ENAH: variants seen among roughly 807,000 people sequenced by gnomAD.
The protein encoded by ENAH is ENAH actin regulator.
A neutral mutation model predicts 78.7 loss-of-function variants in ENAH; 23 were observed. The ratio of observed to expected loss-of-function variants is 0.29; its 90% CI spans 0.21 to 0.41. ENAH has a LOEUF of 0.41. Among genes scored for constraint, ENAH ranks in the 10% least tolerant of loss-of-function variants. The pLI is 1.00. For missense variants in ENAH, 544 were observed against 691.0 expected (o/e 0.79, Z 2.39); for synonymous variants, 226 against 241.0 (o/e 0.94, Z 0.58).
chr1:225,541,922 C>G (rs1022033099), intron 3 of ENAH, among the ~76,000 whole-genome samples: 1 of 152,112 alleles, frequency 6.6e-6, no homozygotes, highest in Admixed American at 6.6e-5. Flanking sequence ...ACTTTGATTG[C>G]CCAGACTGAA....
At chr1:225,503,784 T>A (rs1435970871) in intron 11 of ENAH, among the ~76,000 whole-genome samples, 1 of 151,980 alleles carries the variant, frequency 6.6e-6, no homozygotes, top group Non-Finnish European at 1.5e-5. Context: ...AAAAATAATT[T>A]TAGCAAGTAA....
chr1:225,620,627 C>T (rs1485272976), intron 1 of ENAH, among the ~76,000 whole-genome samples: 1 of 152,164 alleles, frequency 6.6e-6, no homozygotes, highest in East Asian at 1.9e-4. Flanking sequence ...AATCTGGAGC[C>T]TCAATCTCAG....
intron 1 of ENAH, among the ~76,000 whole-genome samples, chr1:225,612,959 A>G (rs535512233): frequency 6.6e-6 from 1 of 152,358 alleles, no homozygotes; most frequent in South Asian, 2.1e-4. Flanking sequence ...AAGGTATGAA[A>G]TGAAGAATGT....
intron 1 of ENAH, among the ~76,000 whole-genome samples, chr1:225,615,093 G>C (rs990542775): frequency 1.3e-4 from 20 of 152,112 alleles, no homozygotes; most frequent in African/African-American, 4.6e-4. Flanking sequence ...CTGATGCCGA[G>C]CGGAGGCTGG....
At chr1:225,530,962 G>A in intron 3 of ENAH, 1 of 403,658 alleles carries the variant, frequency 2.5e-6, no homozygotes, top group Non-Finnish European at 4.4e-6. Flanking sequence ...CAGTTTCTAA[G>A]ACAATGAGAC....
At chr1:225,625,596 C>T (rs1311169631) in intron 1 of ENAH, among the ~76,000 whole-genome samples, 1 of 152,142 alleles carries the variant, frequency 6.6e-6, no homozygotes, top group African/African-American at 2.4e-5. Flanking sequence ...GATCTCAGCT[C>T]ACCCCAACCT....
At chr1:225,642,501 A>G (rs1661256919) in intron 1 of ENAH, among the ~76,000 whole-genome samples, 1 of 152,078 alleles carries the variant, frequency 6.6e-6, no homozygotes, top group African/African-American at 2.4e-5. Context: ...AAACACACGA[A>G]TGAGTCCAGG....
At chr1:225,498,117 A>G (rs1370439902) in intron 13 of ENAH, among the ~76,000 whole-genome samples, 1 of 152,222 alleles carries the variant, frequency 6.6e-6, no homozygotes. Context: ...TCCATCTAAG[A>G]AAAGACAACA....
intron 1 of ENAH, among the ~76,000 whole-genome samples, chr1:225,645,777 T>C (rs150171611): frequency 6.6e-6 from 1 of 152,208 alleles, no homozygotes; most frequent in Non-Finnish European, 1.5e-5. Context: ...TCACAAAGTA[T>C]ATTCGATCCC....
chr1:225,610,945 A>AACGGCACAGATCTAAC (rs1174753809), intron 1 of ENAH, among the ~76,000 whole-genome samples: 14 of 152,230 alleles, frequency 9.2e-5, no homozygotes, highest in Admixed American at 4.6e-4. Context: ...GATACAGATG[A>AACGGCACAGATCTAAC]ACGGCACAGA....
chr1:225,537,009 G>GT (rs940391452), intron 3 of ENAH, among the ~76,000 whole-genome samples: 16 of 151,814 alleles, frequency 1.1e-4, no homozygotes, highest in African/African-American at 3.6e-4. Flanking sequence ...AGTTTAAACT[G>GT]TTTTTTTAAA....
intron 4 of ENAH, among the ~76,000 whole-genome samples, chr1:225,520,361 G>A (rs527914909): frequency 1.5e-4 from 22 of 151,222 alleles, no homozygotes; most frequent in African/African-American, 5.3e-4. Flanking sequence ...TTAAATGATT[G>A]AAATCTCATA....
chr1:225,500,339 C>G (rs1184022228), intron 12 of ENAH, among the ~76,000 whole-genome samples: 1 of 152,164 alleles, frequency 6.6e-6, no homozygotes, highest in Non-Finnish European at 1.5e-5. Context: ...CAAACGTGGA[C>G]AGTATCTTTT....
chr1:225,504,524 G>C (rs965556733), intron 11 of ENAH, among the ~76,000 whole-genome samples: 3 of 152,074 alleles, frequency 2.0e-5, no homozygotes, highest in Non-Finnish European at 2.9e-5. Context: ...GCTCATCCTA[G>C]AAAACAATCT....
intron 1 of ENAH, among the ~76,000 whole-genome samples, chr1:225,619,102 C>T (rs1575748215): frequency 6.6e-6 from 1 of 152,360 alleles, no homozygotes; most frequent in Non-Finnish European, 1.5e-5. Flanking sequence ...TACACACACA[C>T]ACACACACAA....
chr1:225,497,935 G>A, intron 13 of ENAH, 123 bp from the exon 14 acceptor site: 1 of 722,392 alleles, frequency 1.4e-6, no homozygotes, highest in Non-Finnish European at 2.3e-6. Flanking sequence ...GATTAACTTT[G>A]CATCTTTCAT....
intron 3 of ENAH, among the ~76,000 whole-genome samples, chr1:225,544,006 A>G (rs1455480199): frequency 1.3e-5 from 2 of 152,224 alleles, no homozygotes; most frequent in Non-Finnish European, 2.9e-5. Flanking sequence ...GCACGAAAGC[A>G]CAGCCGAGAT....
chr1:225,606,780 T>C (rs1293707479), intron 1 of ENAH, among the ~76,000 whole-genome samples: 1 of 142,768 alleles, frequency 7.0e-6, no homozygotes, highest in Non-Finnish European at 1.5e-5. Context: ...GAGGCAGGGA[T>C]TGCAGTGAGC....
At chr1:225,631,409 T>TAA (rs745707244) in intron 1 of ENAH, among the ~76,000 whole-genome samples, 5 of 133,640 alleles carry the variant, frequency 3.7e-5, no homozygotes, top group Non-Finnish European at 4.9e-5. Context: ...GTCTCTACTA[T>TAA]AAAAAAAAAA....
Sources: gnomAD v4.1 joint callset for allele counts (sites outside exome capture counted in the v4.1 genomes callset) on GRCh38, gnomAD v4.1.1 for gene constraint, MANE v1.5 for transcripts, NCBI Gene and HGNC (gene_info 2026-07-23, HGNC 2026-07-21) for gene names.